MDN1: variants seen among roughly 807,000 people sequenced by gnomAD.
The protein encoded by MDN1 is midasin AAA ATPase 1, also known as midasin.
A neutral mutation model predicts 669.2 loss-of-function variants in MDN1; 266 were observed. The observed-to-expected ratio is 0.40, with a 90% CI of 0.36 to 0.44. The LOEUF is 0.44. Among genes scored for constraint, MDN1 ranks in the 20% least tolerant of loss-of-function variants. The pLI, the probability that MDN1 is intolerant of heterozygous loss-of-function variation, is 1.00. For synonymous variants in MDN1, 2,385 were observed against 2,457.1 expected, an observed-to-expected ratio of 0.97 and a Z score of 0.87; for missense variants, 5,940 against 6,754.0, an observed-to-expected ratio of 0.88 and a Z score of 4.22.
In MDN1 at chr6:89,658,671, T is replaced by A. The variant is rs769917924; in HGVS notation, c.14960A>T (p.Asp4987Val). The change falls in exon 89 of 102, where the codon GAC becomes GTC. Residue 4987 changes from aspartate (D) to valine (V), a missense_variant. Asp to Val is a radical substitution (Grantham distance 152). This residue lies in a region of MDN1 where 2,280 missense variants were observed against 2,576.3 expected (regional missense o/e 0.88). Coordinates refer to ENST00000369393, the MANE Select transcript of MDN1 (RefSeq NM_014611.3). ...TCCACCTTCTTCATCGGCTTCCTTGTCTTTTTCCTCCACAGACTGCTGCTG... is the reference window on the plus strand; with the variant it reads ...TCCACCTTCTTCATCGGCTTCCTTGACTTTTTCCTCCACAGACTGCTGCTG... ...EEQQQSVEEKDKEADEEGGEN... is the reference protein window; with the variant it reads ...EEQQQSVEEKVKEADEEGGEN... 1.9e-6 allele frequency: 3 copies of A among 1,613,872 alleles called. No individual in the cohort carries two copies. The highest frequency in any genetic ancestry group is 3.3e-5 in the Admixed American group (2 of 60,022).
Position 89,712,565 on chromosome 6 carries a change from C to T in MDN1, c.7430+10G>A. ...AGAAACCAGAGACACAAGCTGAAGG[C>T]TCCACTGACCTTGTCCAGCTGCTGG... On this transcript the variant is annotated intron_variant, in intron 48 of 101. Coordinates refer to ENST00000369393, the MANE Select transcript of MDN1 (RefSeq NM_014611.3). 6.2e-7 allele frequency: 1 copy of T among 1,611,782 alleles called. No homozygotes were observed. Among genetic ancestry groups the T allele is most frequent in the Non-Finnish European group, 8.5e-7 (1 of 1,178,218 alleles).
rs1811063394 is a variant in MDN1, at chr6:89,674,679, C to T, written c.12762-90G>A. On this transcript the variant is annotated intron_variant, in intron 78 of 101. Transcript: ENST00000369393. ...TTTAAAAGAAATTTGTGTTTCTGAA[C>T]AAGCATGGGCTTTTTCATACAGTCA... 2.0e-6 allele frequency: 3 copies of T among 1,463,876 alleles called. No individual in the cohort carries two copies. The African/African-American group carries it at 4.2e-5, about 21-fold the overall frequency. 90.7% of individuals were successfully genotyped at this position (1,463,876 alleles called of 1,614,324 possible).
intron 83 of MDN1, 78 bp from the exon 84 acceptor site, chr6:89,668,229 AAAC>A: frequency 1.3e-6 from 2 of 1,518,818 alleles, no homozygotes; most frequent in African/African-American, 2.8e-5. Flanking sequence ...TGCCACAGGA[AAAC>A]AATTTAAACA....
chr6:89,712,534 C>A (rs374521515), intron 48 of MDN1, 41 bp downstream of exon 48: 20 of 1,583,030 alleles, frequency 1.3e-5, no homozygotes, highest in Non-Finnish European at 1.7e-5. Context: ...AAATAAAAAC[C>A]AGCCAAGAAA....
Position 89,770,171 on chromosome 6 carries a change from C to T in MDN1, c.2144+1390G>A, listed in dbSNP as rs996574460. On this transcript the variant is annotated intron_variant, in intron 15 of 101. Coordinates refer to ENST00000369393, the MANE Select transcript of MDN1 (RefSeq NM_014611.3). ...CTGTAATCCCAGCAATTTGGGAGGCCGAGGTAGGTGGATCACAAGGTCAAG... is the reference window on the plus strand; with the variant it reads ...CTGTAATCCCAGCAATTTGGGAGGCTGAGGTAGGTGGATCACAAGGTCAAG... Among the ~76,000 whole-genome samples, 5 of 151,874 alleles carry T rather than the reference C, an allele frequency of 3.3e-5. No individual in the cohort carries two copies. The East Asian group carries it at 7.8e-4, about 24-fold the overall frequency.
intron 1 of MDN1, among the ~76,000 whole-genome samples, chr6:89,804,900 G>A (rs745963512): frequency 1.3e-4 from 20 of 151,916 alleles, no homozygotes; most frequent in African/African-American, 2.4e-5. Flanking sequence ...GCTGGGCGAG[G>A]TGGCAGGCGC....
intron 15 of MDN1, among the ~76,000 whole-genome samples, chr6:89,764,458 A>G (rs1817702888): frequency 6.6e-6 from 1 of 152,200 alleles, no homozygotes; most frequent in Admixed American, 6.5e-5. Flanking sequence ...TATAAAAATT[A>G]GCCAGGCATG....
At chr6:89,709,026 C>T (rs961077806) in intron 50 of MDN1, among the ~76,000 whole-genome samples, 3 of 150,904 alleles carry the variant, frequency 2.0e-5, no homozygotes, top group Non-Finnish European at 2.9e-5. Flanking sequence ...AATAAATACA[C>T]CTCACTATCT....
At position 89,650,216 on chromosome 6, in the gene MDN1, GGCAAAAATTAGTTA is replaced by G; in HGVS notation, c.16032-32_16032-19del. 1.3e-6 allele frequency: 2 copies of G among 1,595,574 alleles called. No homozygotes were observed. Among genetic ancestry groups the G allele is most frequent in the Non-Finnish European group, 1.7e-6 (2 of 1,170,370 alleles). ...AGTCTCCTCTATTTATTCAAATGGG[GGCAAAAATTAGTTA>G]ACAACTTTTAATTCCTGAGAATTTT... On this transcript the variant is annotated intron_variant, in intron 96 of 101. Transcript: ENST00000369393.
At chr6:89,809,993 TAAAAAAAAAAAAA>T (rs61558155) in intron 1 of MDN1, among the ~76,000 whole-genome samples, 14 of 52,834 alleles carry the variant, frequency 2.6e-4, no homozygotes, top group South Asian at 2.0e-3. Flanking sequence ...TCCGTTTCAC[TAAAAAAAAAAAAA>T]AAAAAAAAAA....
At position 89,708,550 on chromosome 6, in the gene MDN1, G is replaced by A. The variant is rs902509221; in HGVS notation, c.7844C>T (p.Pro2615Leu). ...DMIRNLMDFD[P>L]QTDQPDQLFA... ...GAGCTGGTCAGGCTGGTCCGTTTGT[G>A]GGTCAAAGTCCATCAAATTTCTAAT... The change falls in exon 51 of 102, where the codon CCA becomes CTA. Residue 2615 changes from proline (P) to leucine (L), a missense_variant. This residue lies in a region of MDN1 where 2,292 missense variants were observed against 2,638.3 expected (regional missense o/e 0.87). Coordinates refer to ENST00000369393, the MANE Select transcript of MDN1 (RefSeq NM_014611.3). The A allele has an allele frequency of 3.1e-6, 5 of 1,613,892 alleles. No homozygotes were observed. Among genetic ancestry groups the A allele is most frequent in the Non-Finnish European group, 4.2e-6 (5 of 1,179,938 alleles).
intron 95 of MDN1, among the ~76,000 whole-genome samples, chr6:89,651,648 C>A (rs1808880205): frequency 6.6e-6 from 1 of 152,108 alleles, no homozygotes; most frequent in Non-Finnish European, 1.5e-5. Flanking sequence ...ATGCTAAGGG[C>A]AAATCCCTCC....
At position 89,719,101 on chromosome 6, in the gene MDN1, T is replaced by C. The variant is rs376857829; in HGVS notation, c.6057+35A>G. 8.1e-6 allele frequency: 13 copies of C among 1,611,952 alleles called. No homozygotes were observed. The South Asian group carries it at 1.3e-4, about 16-fold the overall frequency. On this transcript the variant is annotated intron_variant, in intron 41 of 101. Transcript: ENST00000369393. ...GGGAGCAGAAGAAACCATTAAAAAA[T>C]GTCAAAGGATAGAGGATTATCCTAG...
Position 89,797,330 on chromosome 6 carries a change from C to T in MDN1, c.330-2529G>A, listed in dbSNP as rs962204924. On this transcript the variant is annotated intron_variant, in intron 2 of 101. Coordinates refer to ENST00000369393, the MANE Select transcript of MDN1 (RefSeq NM_014611.3). ...CAGAGGTTGCAGTGAGCCAAGATCA[C>T]GCCACTGCACTCCAGCCTGGCGACA... Among the ~76,000 whole-genome samples the T allele has an allele frequency of 3.4e-5, 5 of 147,852 alleles. No homozygotes were observed. In the East Asian group the frequency reaches 6.0e-4, roughly 18 times the overall value.
At chr6:89,724,805 TA>T (rs1815103359) in intron 38 of MDN1, among the ~76,000 whole-genome samples, 1 of 152,236 alleles carries the variant, frequency 6.6e-6, no homozygotes, top group Non-Finnish European at 1.5e-5. Context: ...AGTGGATTTT[TA>T]TTCTTCATAG....
intron 2 of MDN1, among the ~76,000 whole-genome samples, chr6:89,796,568 G>A (rs1455461950): frequency 1.3e-5 from 2 of 152,050 alleles, no homozygotes; most frequent in South Asian, 2.1e-4. Context: ...AATGTAATCA[G>A]GTGGAATTTG....
chr6:89,738,283 C>G (rs747232159), intron 33 of MDN1, 43 bp downstream of exon 33: 14 of 1,605,634 alleles, frequency 8.7e-6, no homozygotes, highest in Non-Finnish European at 1.2e-5. Flanking sequence ...AACACAAACC[C>G]TTCTATGACC....
At chr6:89,745,467 C>T (rs1434576099) in intron 28 of MDN1, 25 bp downstream of exon 28, 2 of 1,613,768 alleles carry the variant, frequency 1.2e-6, no homozygotes, top group African/African-American at 1.3e-5. Context: ...AAATCATATT[C>T]CTCTAGGGAT....
intron 13 of MDN1, among the ~76,000 whole-genome samples, chr6:89,774,063 C>G (rs1293382048): frequency 6.6e-6 from 1 of 152,042 alleles, no homozygotes; most frequent in East Asian, 1.9e-4. Flanking sequence ...GAGCATGGCC[C>G]TGTCGAAACC....
Sources: allele counts gnomAD v4.1 joint callset (sites outside exome capture counted in the v4.1 genomes callset), GRCh38; gene constraint gnomAD v4.1.1; regional missense constraint gnomAD v4.1.1; transcripts MANE v1.5; gene names NCBI Gene and HGNC (gene_info 2026-07-23, HGNC 2026-07-21).